The following USP7 variants were observed in gnomAD, a reference collection of about 807,000 sequenced individuals.
USP7 encodes ubiquitin C-terminal hydrolase 7.
A neutral mutation model predicts 162.9 loss-of-function variants in USP7; 9 were observed. That is an observed-to-expected ratio of 0.06 (90% CI 0.03 to 0.10). The LOEUF is 0.10. Among genes scored for constraint, USP7 ranks in the 10% least tolerant of loss-of-function variants. The pLI is 1.00. For synonymous variants in USP7, 562 were observed against 475.9 expected, an observed-to-expected ratio of 1.18 and a Z score of -2.35; for missense variants, 715 against 1,373.7, an observed-to-expected ratio of 0.52 and a Z score of 7.58.
intron 2 of USP7, among the ~76,000 whole-genome samples, chr16:8,927,193 G>C (rs1025064144): frequency 1.3e-5 from 2 of 151,644 alleles, no homozygotes; most frequent in Admixed American, 6.6e-5. Flanking sequence ...GTGGTGGCAA[G>C]CGCCTGTAGT....
At chr16:8,901,574 G>C (rs1468662659) in intron 18 of USP7, among the ~76,000 whole-genome samples, 1 of 152,130 alleles carries the variant, frequency 6.6e-6, no homozygotes, top group Admixed American at 6.5e-5. Flanking sequence ...ATTGCGCATG[G>C]TCTTGTGTCT....
intron 1 of USP7, among the ~76,000 whole-genome samples, chr16:8,944,274 C>T (rs1368047867): frequency 6.6e-6 from 1 of 150,974 alleles, no homozygotes; most frequent in Non-Finnish European, 1.5e-5. Flanking sequence ...TGAGGCTTGA[C>T]ACCCCCTTGG....
rs534307454 is a variant in USP7 at position 8,898,733 on chromosome 16, C to T, written c.2532-94G>A. On this transcript the variant is annotated intron_variant, in intron 23 of 30. Transcript: ENST00000344836. ...GCATAAAAGCAAACCGCTGGCCTTA[C>T]ACCTGGTCTTGAAATTTGGACCTAG... 13 of 1,038,782 alleles carry T rather than the reference C, an allele frequency of 1.3e-5. No individual in the cohort carries two copies. In the African/African-American group the frequency reaches 1.6e-4, roughly 13 times the overall value. The allele number at this position is 1,038,782 out of a possible 1,614,324, so 64.3% of individuals were successfully genotyped here. A position where few individuals can be genotyped will look rare whatever the true frequency, so the allele number is the denominator to read the frequency against.
At chr16:8,940,942 GATACA>G (rs911200865) in intron 1 of USP7, among the ~76,000 whole-genome samples, 6 of 152,130 alleles carry the variant, frequency 3.9e-5, no homozygotes, top group Admixed American at 2.6e-4. Flanking sequence ...GTCATAATAG[GATACA>G]ATAAAGTCAG....
chr16:8,943,399 A>T (rs767486254), intron 1 of USP7, among the ~76,000 whole-genome samples: 3 of 151,366 alleles, frequency 2.0e-5, no homozygotes, highest in Non-Finnish European at 4.4e-5. Flanking sequence ...AGCACAATGC[A>T]AGTAGAAGTT....
At chr16:8,943,554 T>C (rs765690867) in intron 1 of USP7, among the ~76,000 whole-genome samples, 15 of 150,714 alleles carry the variant, frequency 1.0e-4, no homozygotes, top group Non-Finnish European at 1.8e-4. Flanking sequence ...CACAAACGAC[T>C]AACCAACAGG....
At chr16:8,962,487 G>A (rs759348816) in intron 1 of USP7, 1 of 451,046 alleles carries the variant, frequency 2.2e-6, no homozygotes, top group Non-Finnish European at 4.5e-6. Context: ...TTTCGAGTCA[G>A]GTTTGATTCT....
intron 1 of USP7, among the ~76,000 whole-genome samples, chr16:8,948,697 G>A (rs1899405781): frequency 6.6e-6 from 1 of 152,172 alleles, no homozygotes; most frequent in Admixed American, 6.6e-5. Flanking sequence ...GAACCTTGAG[G>A]ATATTAAGCT....
intron 3 of USP7, among the ~76,000 whole-genome samples, chr16:8,921,519 A>G (rs890238663): frequency 6.6e-6 from 1 of 152,290 alleles, no homozygotes; most frequent in Admixed American, 6.5e-5. Context: ...TCATGGTTTC[A>G]TTTTTTAATT....
intron 13 of USP7, among the ~76,000 whole-genome samples, chr16:8,905,798 C>T (rs924560443): frequency 2.6e-5 from 4 of 152,232 alleles, no homozygotes; most frequent in African/African-American, 4.8e-5. Flanking sequence ...CTGAAGTCAA[C>T]GTAGCATGTT....
chr16:8,931,111 T>C (rs1192301546), intron 1 of USP7, among the ~76,000 whole-genome samples: 1 of 152,200 alleles, frequency 6.6e-6, no homozygotes, highest in East Asian at 1.9e-4. Flanking sequence ...GCCAATTTTG[T>C]TGTGAAGATT....
At chr16:8,922,345 G>C (rs939886635) in intron 3 of USP7, among the ~76,000 whole-genome samples, 1 of 152,160 alleles carries the variant, frequency 6.6e-6, no homozygotes, top group East Asian at 1.9e-4. Context: ...AAAATTAGCT[G>C]GGTGTGGTGG....
chr16:8,962,382 G>C, intron 1 of USP7: 1 of 276,598 alleles, frequency 3.6e-6, no homozygotes. Context: ...TCTCTTTACA[G>C]CGTCTTCACA....
In USP7 at chr16:8,892,606, T is replaced by TAAAA. The variant is rs55937310; in HGVS notation, c.*1388_*1391dup. ...AGAGTAAATGTGACTAGTTAGAGGC[T>TAAAA]AAAAAAAAAAAAAAAAAAAAAAAGA... is the stretch of plus-strand genomic sequence containing the variant. On this transcript the variant is annotated 3_prime_UTR_variant, in exon 31 of 31. Transcript: ENST00000344836. The TAAAA allele has an allele frequency of 4.2e-5, 5 of 119,980 alleles. No homozygotes were observed. Among genetic ancestry groups the TAAAA allele is most frequent in the African/African-American group, 6.2e-5 (2 of 32,174 alleles). The allele number at this position is 119,980 out of a possible 1,614,324, so 7.4% of individuals were successfully genotyped here. A position where few individuals can be genotyped will look rare whatever the true frequency, so the allele number is the denominator to read the frequency against.
intron 1 of USP7, among the ~76,000 whole-genome samples, chr16:8,941,066 G>A (rs1397149296): frequency 6.6e-6 from 1 of 152,174 alleles, no homozygotes; most frequent in Non-Finnish European, 1.5e-5. Context: ...AGTGGTAGGT[G>A]CTGGCCAGGC....
intron 18 of USP7, 21 bp from the exon 19 acceptor site, chr16:8,901,255 T>A (rs1296708030): frequency 1.9e-6 from 3 of 1,560,608 alleles, no homozygotes; most frequent in Admixed American, 1.7e-5. Context: ...AATAAACAAG[T>A]TTTGTTAAGA....
chr16:8,929,597 A>G (rs1898200947), intron 2 of USP7: 2 of 456,042 alleles, frequency 4.4e-6, no homozygotes, highest in Admixed American at 2.3e-5. Context: ...TTGACAGAAC[A>G]TGGTTTCATA....
chr16:8,952,890 G>T (rs887414093), intron 1 of USP7, among the ~76,000 whole-genome samples: 4 of 151,768 alleles, frequency 2.6e-5, no homozygotes, highest in African/African-American at 9.7e-5. Context: ...AGGCTAGAGT[G>T]CACTGGCGCA....
intron 26 of USP7, 69 bp from the exon 27 acceptor site, chr16:8,895,810 T>C (rs2141160280): frequency 8.8e-7 from 1 of 1,139,544 alleles, no homozygotes; most frequent in African/African-American, 1.6e-5. Context: ...AAAATGGTTT[T>C]CTAGAAAGAA....
Sources: allele counts gnomAD v4.1 joint callset (sites outside exome capture counted in the v4.1 genomes callset), GRCh38; gene constraint gnomAD v4.1.1; transcripts MANE v1.5; gene names NCBI Gene and HGNC (gene_info 2026-07-23, HGNC 2026-07-21).